Variants in PABPC4L observed in about 807,000 individuals in gnomAD.
PABPC4L encodes the protein polyadenylate-binding protein 4-like.
For synonymous variants in PABPC4L, 169 were observed against 164.1 expected, an observed-to-expected ratio of 1.03 and a Z score of -0.23; for missense variants, 452 against 451.4, an observed-to-expected ratio of 1.00 and a Z score of -0.01.
chr4:134,134,411 T>C, the PABPC4L span, among the ~76,000 whole-genome samples: 1 of 152,000 alleles, frequency 6.6e-6, no homozygotes. Context: ...TGGCTGTATT[T>C]AAAAACCAAT....
At chr4:134,044,148 C>T in the PABPC4L span, among the ~76,000 whole-genome samples, 1 of 152,038 alleles carries the variant, frequency 6.6e-6, no homozygotes, top group African/African-American at 2.4e-5. Context: ...CCAGGCTGGT[C>T]TCGAACTCCT....
chr4:133,976,058 T>C, the PABPC4L span, among the ~76,000 whole-genome samples: 2 of 152,106 alleles, frequency 1.3e-5, no homozygotes, highest in African/African-American at 4.8e-5. Flanking sequence ...TCTATCAACC[T>C]AGGTATTAAG....
At chr4:133,978,476 TG>T in the PABPC4L span, among the ~76,000 whole-genome samples, 1 of 151,962 alleles carries the variant, frequency 6.6e-6, no homozygotes, top group African/African-American at 2.4e-5. Flanking sequence ...AATAGCTGGA[TG>T]TAATTGCGTG....
the PABPC4L span, among the ~76,000 whole-genome samples, chr4:133,969,715 A>G: frequency 0.35 from 53,195 of 151,976 alleles, 9,706 homozygotes; most frequent in Admixed American, 0.47. Flanking sequence ...CCATATGAAG[A>G]AAAAAGGGCT....
chr4:133,970,198 A>C, the PABPC4L span, among the ~76,000 whole-genome samples: 1 of 151,760 alleles, frequency 6.6e-6, no homozygotes, highest in African/African-American at 2.4e-5. Flanking sequence ...TTCTTGAAGA[A>C]GTCCTCCTTC....
chr4:134,195,479 A>G (rs1729628785), downstream of PABPC4L, among the ~76,000 whole-genome samples: 2 of 151,800 alleles, frequency 1.3e-5, no homozygotes, highest in African/African-American at 2.4e-5. Flanking sequence ...CTTCAGTGAT[A>G]TTGCCTTCGC....
the PABPC4L span, among the ~76,000 whole-genome samples, chr4:133,973,409 G>A: frequency 6.6e-6 from 1 of 151,532 alleles, no homozygotes; most frequent in African/African-American, 2.4e-5. Context: ...TCAGAACTCT[G>A]GAAAACAGCT....
chr4:134,165,886 C>T, the PABPC4L span, among the ~76,000 whole-genome samples: 99 of 152,204 alleles, frequency 6.5e-4, no homozygotes, highest in African/African-American at 2.3e-3. Flanking sequence ...AACATAAGTG[C>T]CCATCAACTG....
the PABPC4L span, among the ~76,000 whole-genome samples, chr4:134,144,360 A>T: frequency 6.6e-6 from 1 of 151,606 alleles, no homozygotes; most frequent in Non-Finnish European, 1.5e-5. Flanking sequence ...TTCAATAGGC[A>T]AACACATCTA....
At chr4:134,097,252 T>G in the PABPC4L span, among the ~76,000 whole-genome samples, 1 of 151,928 alleles carries the variant, frequency 6.6e-6, no homozygotes, top group African/African-American at 2.4e-5. Context: ...TTGACATACT[T>G]TTTAAGATTC....
the PABPC4L span, among the ~76,000 whole-genome samples, chr4:134,069,104 T>C: frequency 6.6e-6 from 1 of 152,158 alleles, no homozygotes; most frequent in African/African-American, 2.4e-5. Context: ...TTTGGCTGTA[T>C]ATTAAATTCT....
At chr4:134,146,605 G>T in the PABPC4L span, among the ~76,000 whole-genome samples, 1 of 152,038 alleles carries the variant, frequency 6.6e-6, no homozygotes, top group Non-Finnish European at 1.5e-5. Flanking sequence ...TGACTAAGAG[G>T]AATAAGGTAC....
At chr4:134,026,057 C>G in the PABPC4L span, among the ~76,000 whole-genome samples, 1 of 151,922 alleles carries the variant, frequency 6.6e-6, no homozygotes, top group Admixed American at 6.6e-5. Context: ...TTTATTTTTC[C>G]CCTTTTAATG....
chr4:133,986,589 C>G, the PABPC4L span, among the ~76,000 whole-genome samples: 1 of 151,866 alleles, frequency 6.6e-6, no homozygotes, highest in Non-Finnish European at 1.5e-5. Context: ...AATTGATTTG[C>G]AAAACCTCAA....
the PABPC4L span, among the ~76,000 whole-genome samples, chr4:134,163,048 C>A: frequency 6.6e-6 from 1 of 151,754 alleles, no homozygotes; most frequent in East Asian, 1.9e-4. Context: ...CAAAAAATTA[C>A]AAAAGATCAA....
Position 134,199,089 on chromosome 4 carries a change from T to C in PABPC4L, c.*818A>G, listed in dbSNP as rs1358236448. 1 of 152,054 alleles carries C rather than the reference T, an allele frequency of 6.6e-6. No individual in the cohort carries two copies. The highest frequency in any genetic ancestry group is 2.4e-5 in the African/African-American group (1 of 41,438). The allele number at this position is 152,054 out of a possible 1,614,324, so 9.4% of individuals were successfully genotyped here. A position where few individuals can be genotyped will look rare whatever the true frequency, so the allele number is the denominator to read the frequency against. On this transcript the variant is annotated 3_prime_UTR_variant, in exon 2 of 2. Coordinates refer to ENST00000421491, the MANE Select transcript of PABPC4L (RefSeq NM_001114734.2). ...AGCATCTGGTAAAAATTTAAGATAATATATTAAGCCATATAGGTATGAAGA... is the reference window on the plus strand; with the variant it reads ...AGCATCTGGTAAAAATTTAAGATAACATATTAAGCCATATAGGTATGAAGA...
the PABPC4L span, among the ~76,000 whole-genome samples, chr4:134,079,716 A>G: frequency 3.3e-5 from 5 of 151,500 alleles, no homozygotes; most frequent in Non-Finnish European, 7.4e-5. Context: ...AGAGAGAGAA[A>G]GAGAGAGAGA....
chr4:134,075,457 G>A, the PABPC4L span, among the ~76,000 whole-genome samples: 1 of 152,092 alleles, frequency 6.6e-6, no homozygotes, highest in Non-Finnish European at 1.5e-5. Context: ...AGCTTCAACT[G>A]GAGTGATATC....
chr4:134,133,217 A>G, the PABPC4L span, among the ~76,000 whole-genome samples: 279 of 136,016 alleles, frequency 2.1e-3, 3 homozygotes, highest in Non-Finnish European at 2.9e-3. Flanking sequence ...AATGTCTAAT[A>G]TTGTATATTA....
Sources: allele counts gnomAD v4.1 joint callset (sites outside exome capture counted in the v4.1 genomes callset), GRCh38; gene constraint gnomAD v4.1.1; transcripts MANE v1.5; gene names NCBI Gene and HGNC (gene_info 2026-07-23, HGNC 2026-07-21).